The following MACROD2 variants were observed in gnomAD, a reference collection of about 807,000 sequenced individuals.
MACROD2 encodes the protein mono-ADP ribosylhydrolase 2, also known as ADP-ribose glycohydrolase MACROD2.
Under a neutral mutation model 70.4 loss-of-function variants are expected in MACROD2, and 36 were observed. That is an observed-to-expected ratio of 0.51 (90% CI 0.39 to 0.68). The LOEUF (loss-of-function observed/expected upper bound fraction) is 0.68, where lower values mean the gene tolerates loss of function less well. Among genes scored for constraint, MACROD2 ranks in the 30% least tolerant of loss-of-function variants. The pLI is 0.00. For synonymous variants in MACROD2, 172 were observed against 178.8 expected (o/e 0.96, Z 0.30); for missense variants, 496 against 538.4 (o/e 0.92, Z 0.78).
chr20:14,118,469 C>G (rs1321853821), intron 3 of MACROD2, among the ~76,000 whole-genome samples: 1 of 152,164 alleles, frequency 6.6e-6, no homozygotes, highest in Non-Finnish European at 1.5e-5. Context: ...TACGAATTCT[C>G]CTTTGGAAAA....
chr20:14,851,745 A>G (rs1413392047), intron 5 of MACROD2, among the ~76,000 whole-genome samples: 1 of 152,196 alleles, frequency 6.6e-6, no homozygotes, highest in African/African-American at 2.4e-5. Flanking sequence ...TGTACTCTTC[A>G]TACAAAGTCT....
At chr20:15,354,274 C>G (rs1354890257) in intron 6 of MACROD2, among the ~76,000 whole-genome samples, 3 of 152,044 alleles carry the variant, frequency 2.0e-5, no homozygotes, top group Admixed American at 6.6e-5. Flanking sequence ...ACCACACGTT[C>G]TCACTCTTAG....
chr20:14,276,634 A>G (rs2082260262), intron 3 of MACROD2, among the ~76,000 whole-genome samples: 1 of 151,824 alleles, frequency 6.6e-6, no homozygotes, highest in Non-Finnish European at 1.5e-5. Context: ...TAATAATAAT[A>G]AAATAAAATA....
intron 2 of MACROD2, among the ~76,000 whole-genome samples, chr20:14,027,854 G>A (rs926520765): frequency 1.7e-4 from 26 of 152,232 alleles, no homozygotes; most frequent in African/African-American, 6.3e-4. Flanking sequence ...TGTCGACCCC[G>A]GCTGGGAGGT....
At chr20:14,393,328 T>C (rs942026321) in intron 3 of MACROD2, among the ~76,000 whole-genome samples, 1 of 152,200 alleles carries the variant, frequency 6.6e-6, no homozygotes, top group Non-Finnish European at 1.5e-5. Flanking sequence ...TTGAAGTCAA[T>C]AACCTAGTGT....
chr20:14,789,348 G>T (rs1340251181), intron 5 of MACROD2, among the ~76,000 whole-genome samples: 1 of 149,286 alleles, frequency 6.7e-6, no homozygotes, highest in East Asian at 2.0e-4. Context: ...AAAGAAATAA[G>T]ATCATTTTGC....
intron 8 of MACROD2, among the ~76,000 whole-genome samples, chr20:15,782,706 T>C (rs1192185382): frequency 1.2e-5 from 1 of 80,328 alleles, no homozygotes; most frequent in African/African-American, 4.7e-5. Context: ...CATATGCAGA[T>C]AGAGAAATGG....
intron 8 of MACROD2, among the ~76,000 whole-genome samples, chr20:15,593,868 G>T (rs886642716): frequency 2.6e-5 from 4 of 152,180 alleles, no homozygotes; most frequent in African/African-American, 9.6e-5. Flanking sequence ...GCATCTTTCA[G>T]AAAGGCTGGA....
At position 15,499,784 on chromosome 20, in the gene MACROD2, C is replaced by A; in HGVS notation, c.582C>A (p.Asn194Lys). The part of the protein sequence containing the change: ...CISTGIYGFP[N>K]EPAAVIALNT... Reference sequence around the variant, plus strand: ...CTGCTCTTCATCTAGGCTTTCCCAACGAGCCTGCTGCAGTCATTGCCCTCA... The same window carrying A: ...CTGCTCTTCATCTAGGCTTTCCCAAAGAGCCTGCTGCAGTCATTGCCCTCA... Residue 194 changes from asparagine to lysine, a missense_variant, in exon 8 of 18, where the codon AAC becomes AAA. Asn to Lys is a moderately conservative substitution (Grantham distance 94, BLOSUM62 0). Transcript: ENST00000684519. The A allele has an allele frequency of 6.2e-7, 1 of 1,613,702 alleles. No individual in the cohort carries two copies. The highest frequency in any genetic ancestry group is 1.1e-5 in the South Asian group (1 of 91,058).
rs149602649 is a variant in MACROD2 at position 15,376,602 on chromosome 20, A to G, written c.541-54803A>G. ...TTACTCCTACCACTGGGACTGTGAG[A>G]AAACACTAAACCACTAGCATTGTCT... On this transcript the variant is annotated intron_variant, in intron 6 of 17. Coordinates refer to ENST00000684519, the MANE Select transcript of MACROD2 (RefSeq NM_001351661.2). 4.5e-3 allele frequency among the ~76,000 whole-genome samples: 686 copies of G among 152,338 alleles called. 5 individuals are homozygous for G. Among genetic ancestry groups the G allele is most frequent in the African/African-American group, 0.015 (606 of 41,588 alleles).
chr20:14,337,590 G>A, intron 3 of MACROD2: 2 of 398,548 alleles, frequency 5.0e-6, no homozygotes, highest in Admixed American at 4.4e-5. Context: ...GTGAGCGAGG[G>A]AGAGCATTCC....
chr20:15,138,607 A>T (rs1195056023), intron 5 of MACROD2, among the ~76,000 whole-genome samples: 1 of 152,152 alleles, frequency 6.6e-6, no homozygotes, highest in Non-Finnish European at 1.5e-5. Flanking sequence ...TCAAAAAGAA[A>T]CCTTCCATGT....
intron 6 of MACROD2, among the ~76,000 whole-genome samples, chr20:15,335,892 A>G (rs764760659): frequency 6.6e-6 from 1 of 151,440 alleles, no homozygotes; most frequent in African/African-American, 2.4e-5. Context: ...CCTTCTCCTC[A>G]CCATTCTTCA....
At chr20:15,522,768 A>G (rs1051148970) in intron 8 of MACROD2, among the ~76,000 whole-genome samples, 1 of 152,202 alleles carries the variant, frequency 6.6e-6, no homozygotes, top group African/African-American at 2.4e-5. Context: ...TTAGCTGGCA[A>G]CTGGTGCTAA....
intron 9 of MACROD2, among the ~76,000 whole-genome samples, chr20:15,874,028 T>A (rs2147186469): frequency 6.6e-6 from 1 of 152,212 alleles, no homozygotes; most frequent in East Asian, 1.9e-4. Context: ...ACTTGTCATT[T>A]ACCTTAGGTA....
At chr20:15,705,300 T>G (rs548393983) in intron 8 of MACROD2, among the ~76,000 whole-genome samples, 6 of 152,298 alleles carry the variant, frequency 3.9e-5, no homozygotes, top group African/African-American at 1.4e-4. Context: ...ATTCAGGTAT[T>G]GGTATTTTTT....
intron 3 of MACROD2, among the ~76,000 whole-genome samples, chr20:14,273,150 G>C (rs1426104115): frequency 6.6e-6 from 1 of 152,136 alleles, no homozygotes; most frequent in East Asian, 1.9e-4. Context: ...GGATCTAATA[G>C]ACATCTACAG....
chr20:14,180,308 G>C (rs1328566974), intron 3 of MACROD2, among the ~76,000 whole-genome samples: 1 of 152,132 alleles, frequency 6.6e-6, no homozygotes, highest in Admixed American at 6.5e-5. Flanking sequence ...AATGCAGAGA[G>C]TGTGTTTTAG....
At chr20:14,971,143 C>T (rs931529198) in intron 5 of MACROD2, among the ~76,000 whole-genome samples, 7 of 152,160 alleles carry the variant, frequency 4.6e-5, no homozygotes, top group African/African-American at 1.7e-4. Context: ...AAATACCTAA[C>T]AAAGTGTAAA....
Sources: allele counts gnomAD v4.1 joint callset (sites outside exome capture counted in the v4.1 genomes callset), GRCh38; gene constraint gnomAD v4.1.1; transcripts MANE v1.5; gene names NCBI Gene and HGNC (gene_info 2026-07-23, HGNC 2026-07-21).